CCDC149: variants seen among roughly 807,000 people sequenced by gnomAD.
The protein encoded by CCDC149 is coiled-coil domain-containing protein 149.
CCDC149 carries 45 observed loss-of-function variants against 59.9 expected under a neutral mutation model. The ratio of observed to expected loss-of-function variants is 0.75; its 90% confidence interval spans 0.59 to 0.96. The LOEUF (loss-of-function observed/expected upper bound fraction) is 0.96, where lower values mean the gene tolerates loss of function less well. Among genes scored for constraint, CCDC149 ranks in the 40% least tolerant of loss-of-function variants. The pLI is 0.00. For synonymous variants in CCDC149, 245 were observed against 260.6 expected, an observed-to-expected ratio of 0.94 and a Z score of 0.58; for missense variants, 584 against 664.7, an observed-to-expected ratio of 0.88 and a Z score of 1.33.
chr4:24,814,445 G>A (rs1336573097), intron 12 of CCDC149, among the ~76,000 whole-genome samples: 1 of 152,150 alleles, frequency 6.6e-6, no homozygotes, highest in Admixed American at 6.5e-5. Flanking sequence ...TTTGATTCTA[G>A]TCTCCTCCTA....
Position 24,912,711 on chromosome 4 carries a change from G to C in CCDC149, c.63+106C>G, listed in dbSNP as rs1336240278. 1.4e-5 allele frequency: 11 copies of C among 770,120 alleles called. No individual in the cohort carries two copies. The East Asian group carries it at 4.2e-4, about 29-fold the overall frequency. The allele number at this position is 770,120 out of a possible 1,614,324, so 47.7% of individuals were successfully genotyped here. A position where few individuals can be genotyped will look rare whatever the true frequency, so the allele number is the denominator to read the frequency against. ...CGGCAGCCGCGGCCACTTGGAGTGCGCGCCCCCCTCTCGTCCCTCCCAGCT... is the reference window on the plus strand; with the variant it reads ...CGGCAGCCGCGGCCACTTGGAGTGCCCGCCCCCCTCTCGTCCCTCCCAGCT... On this transcript the variant is annotated intron_variant, in intron 1 of 12. Transcript: ENST00000635206.
At chr4:24,955,927 G>A (rs1723451380) in intron 1 of CCDC149, among the ~76,000 whole-genome samples, 1 of 152,196 alleles carries the variant, frequency 6.6e-6, no homozygotes, top group African/African-American at 2.4e-5. Flanking sequence ...TTCTTATAGA[G>A]ACTTCAGTTG....
chr4:24,806,863 G>C lies in CCDC149; in HGVS notation c.*1526C>G, dbSNP rs140992354. On this transcript the variant is annotated 3_prime_UTR_variant, in exon 13 of 13. Transcript: ENST00000635206. ...CCCACCCAATGTGCATCAAAGGCCT[G>C]GGTCCTTCTGGGCTGCACTTTGAGG... 8 of 153,390 alleles carry C rather than the reference G, an allele frequency of 5.2e-5. No homozygotes were observed. The highest frequency in any genetic ancestry group is 1.9e-4 in the African/African-American group (8 of 41,580). 9.5% of individuals were successfully genotyped at this position (153,390 alleles called of 1,614,324 possible).
At chr4:24,956,593 C>T (rs547491424) in intron 1 of CCDC149, among the ~76,000 whole-genome samples, 132 of 152,100 alleles carry the variant, frequency 8.7e-4, no homozygotes, top group African/African-American at 3.0e-3. Context: ...GCCCAGTGAG[C>T]GAGAAGTACT....
At chr4:24,873,593 G>A in intron 3 of CCDC149, 88 bp downstream of exon 3, 1 of 886,954 alleles carries the variant, frequency 1.1e-6, no homozygotes, top group Non-Finnish European at 1.9e-6. Context: ...GGAAATTAAA[G>A]GAAGTTCTCT....
intron 4 of CCDC149, among the ~76,000 whole-genome samples, chr4:24,842,993 G>A (rs1488676356): frequency 6.6e-6 from 1 of 151,684 alleles, no homozygotes; most frequent in Non-Finnish European, 1.5e-5. Context: ...TAACCCTGGT[G>A]GGCTACATGT....
chr4:24,814,747 C>T (rs1714902771), intron 12 of CCDC149, among the ~76,000 whole-genome samples: 1 of 152,196 alleles, frequency 6.6e-6, no homozygotes, highest in African/African-American at 2.4e-5. Flanking sequence ...AAAGCCTAAG[C>T]TCATAACCTG....
chr4:24,862,778 C>A (rs1560223698), intron 3 of CCDC149, among the ~76,000 whole-genome samples: 1 of 152,300 alleles, frequency 6.6e-6, no homozygotes, highest in East Asian at 1.9e-4. Flanking sequence ...TCACTCAAAG[C>A]CCAAATCCCC....
chr4:24,894,736 C>G (rs1033799066), intron 1 of CCDC149, among the ~76,000 whole-genome samples: 1 of 151,174 alleles, frequency 6.6e-6, no homozygotes, highest in Non-Finnish European at 1.5e-5. Flanking sequence ...GATGCCCTTT[C>G]GAACATACAC....
chr4:24,956,147 G>T (rs1723459664), intron 1 of CCDC149, among the ~76,000 whole-genome samples: 1 of 152,088 alleles, frequency 6.6e-6, no homozygotes. Context: ...AATTAACTGG[G>T]TGTATGCTGA....
chr4:24,823,985 C>T (rs1377747069), intron 9 of CCDC149, among the ~76,000 whole-genome samples: 1 of 152,162 alleles, frequency 6.6e-6, no homozygotes, highest in Non-Finnish European at 1.5e-5. Context: ...ATCCAAGCTC[C>T]CTTTTCACCA....
At chr4:24,979,293 G>C (rs1032914944) in intron 1 of CCDC149, among the ~76,000 whole-genome samples, 4 of 152,170 alleles carry the variant, frequency 2.6e-5, no homozygotes, top group African/African-American at 9.7e-5. Flanking sequence ...CCAGGAACAG[G>C]GAATGCCCTC....
upstream of CCDC149, among the ~76,000 whole-genome samples, chr4:24,915,484 C>G (rs548922135): frequency 8.5e-5 from 13 of 152,354 alleles, no homozygotes; most frequent in African/African-American, 3.1e-4. Context: ...AATCAATGAG[C>G]GTTGGGAGCC....
At chr4:24,885,220 G>A (rs981748147) in intron 1 of CCDC149, among the ~76,000 whole-genome samples, 7 of 152,190 alleles carry the variant, frequency 4.6e-5, no homozygotes, top group African/African-American at 1.4e-4. Flanking sequence ...GAGCTCCGAG[G>A]GGCTTTGAAT....
At chr4:24,819,196 G>A (rs1715200857) in intron 12 of CCDC149, among the ~76,000 whole-genome samples, 1 of 152,214 alleles carries the variant, frequency 6.6e-6, no homozygotes, top group South Asian at 2.1e-4. Context: ...TTTCCCTGAG[G>A]TAGACATGAT....
upstream of CCDC149, among the ~76,000 whole-genome samples, chr4:24,916,830 A>G (rs2109334133): frequency 1.1e-5 from 1 of 92,288 alleles, no homozygotes. Context: ...GTGTGTACAT[A>G]TATTTATTAA....
At chr4:24,813,525 T>TATATATATATATATATATAA (rs1252452441) in intron 12 of CCDC149, among the ~76,000 whole-genome samples, 1 of 83,002 alleles carries the variant, frequency 1.2e-5, no homozygotes, top group Non-Finnish European at 2.6e-5. Flanking sequence ...TATATATATA[T>TATATATATATATATATATAA]ATAAAACCTA....
At chr4:24,935,528 C>T (rs1722712427) in intron 1 of CCDC149, among the ~76,000 whole-genome samples, 1 of 152,060 alleles carries the variant, frequency 6.6e-6, no homozygotes, top group Non-Finnish European at 1.5e-5. Context: ...GTCATGACAG[C>T]AGAACCCTCA....
intron 1 of CCDC149, among the ~76,000 whole-genome samples, chr4:24,919,384 AG>A (rs373220267): frequency 1.4e-3 from 211 of 152,358 alleles, no homozygotes; most frequent in African/African-American, 4.9e-3. Context: ...AGACACAAAA[AG>A]CCTTTTCAGC....
Sources: gnomAD v4.1 joint callset for allele counts (sites outside exome capture counted in the v4.1 genomes callset) on GRCh38, gnomAD v4.1.1 for gene constraint, MANE v1.5 for transcripts, NCBI Gene and HGNC (gene_info 2026-07-23, HGNC 2026-07-21) for gene names.